The following NFIB variants were observed in gnomAD, a reference collection of about 807,000 sequenced individuals.
The protein encoded by NFIB is nuclear factor I B, also known as nuclear factor 1 B-type.
NFIB carries 11 observed loss-of-function variants against 61.5 expected under a neutral mutation model. The ratio of observed to expected loss-of-function variants is 0.18; its 90% CI spans 0.11 to 0.30. The LOEUF (loss-of-function observed/expected upper bound fraction) is 0.30, where lower values mean the gene tolerates loss of function less well. NFIB is among the 10% of genes least tolerant of loss of function. NFIB has a pLI of 1.00. For synonymous variants in NFIB, 260 were observed against 216.5 expected, an observed-to-expected ratio of 1.20 and a Z score of -1.76; for missense variants, 471 against 608.9, an observed-to-expected ratio of 0.77 and a Z score of 2.38.
At chr9:14,285,022 T>A (rs768322647) in intron 2 of NFIB, among the ~76,000 whole-genome samples, 17 of 152,238 alleles carry the variant, frequency 1.1e-4, no homozygotes, top group Non-Finnish European at 2.1e-4. Flanking sequence ...AAAGACTGCT[T>A]AGTTTAAAAG....
intron 1 of NFIB, among the ~76,000 whole-genome samples, chr9:14,382,347 A>C (rs1417201707): frequency 6.7e-6 from 1 of 149,806 alleles, no homozygotes; most frequent in Non-Finnish European, 1.5e-5. Context: ...GAAAGTGATG[A>C]GAGAGAGAGA....
chr9:14,477,559 T>A, the NFIB span, among the ~76,000 whole-genome samples: 1 of 152,190 alleles, frequency 6.6e-6, no homozygotes, highest in Non-Finnish European at 1.5e-5. Flanking sequence ...ATGTGCTGGT[T>A]GGTTGCCATG....
the NFIB span, among the ~76,000 whole-genome samples, chr9:14,485,545 C>T: frequency 7.2e-5 from 11 of 152,192 alleles, no homozygotes; most frequent in Admixed American, 7.2e-4. Flanking sequence ...AAATTCCAGA[C>T]ACTGCTAGGA....
At chr9:14,100,968 A>C (rs547449234) in intron 10 of NFIB, among the ~76,000 whole-genome samples, 1 of 151,934 alleles carries the variant, frequency 6.6e-6, no homozygotes, top group Non-Finnish European at 1.5e-5. Context: ...GAAATATAAG[A>C]GAGTTATTCA....
the NFIB span, among the ~76,000 whole-genome samples, chr9:14,434,933 T>G: frequency 6.6e-6 from 1 of 152,214 alleles, no homozygotes; most frequent in African/African-American, 2.4e-5. Context: ...AAGAACCTCA[T>G]GCATGTATTG....
intron 6 of NFIB, among the ~76,000 whole-genome samples, chr9:14,128,146 G>A (rs151285476): frequency 1.3e-3 from 204 of 152,240 alleles, no homozygotes; most frequent in African/African-American, 4.7e-3. Context: ...ACTAATGGAT[G>A]TAAAATCATA....
At chr9:14,145,354 GGAGATTTAGAT>G (rs2042171165) in intron 6 of NFIB, among the ~76,000 whole-genome samples, 1 of 152,062 alleles carries the variant, frequency 6.6e-6, no homozygotes, top group South Asian at 2.1e-4. Flanking sequence ...AAAATCTCAA[GGAGATTTAGAT>G]GAGATTTAGG....
chr9:14,220,808 G>A lies in NFIB; in HGVS notation c.563-41028C>T, dbSNP rs546718118. ...TGCAGATGAGGTTCCACCACCCGAA[G>A]TTTCTGCTCTATATCCAGTGAAATC... On this transcript the variant is annotated intron_variant, in intron 2 of 10. Transcript: ENST00000380953. Among the ~76,000 whole-genome samples, 381 of 145,538 alleles carry A rather than the reference G, an allele frequency of 2.6e-3. 1 individual carries two copies. The highest frequency in any genetic ancestry group is 4.5e-3 in the Non-Finnish European group (303 of 66,752).
the NFIB span, among the ~76,000 whole-genome samples, chr9:14,440,761 G>A: frequency 1.3e-5 from 2 of 152,178 alleles, no homozygotes; most frequent in Admixed American, 6.5e-5. Context: ...ACTACATTAC[G>A]TGTTCATGTT....
At chr9:14,415,936 G>A in the NFIB span, among the ~76,000 whole-genome samples, 1 of 152,140 alleles carries the variant, frequency 6.6e-6, no homozygotes, top group East Asian at 1.9e-4. Context: ...GGGTTAATAG[G>A]GGAGATAACT....
chr9:14,327,301 C>T (rs1411233077), intron 1 of NFIB, among the ~76,000 whole-genome samples: 1 of 152,158 alleles, frequency 6.6e-6, no homozygotes, highest in African/African-American at 2.4e-5. Context: ...AATCCTGTGG[C>T]CAAATGTCCC....
At chr9:14,389,191 T>A (rs2061590806) in intron 1 of NFIB, among the ~76,000 whole-genome samples, 1 of 152,192 alleles carries the variant, frequency 6.6e-6, no homozygotes, top group Admixed American at 6.5e-5. Context: ...TAGGCCCTGT[T>A]AATATTCACT....
At chr9:14,183,522 G>C (rs909345439) in intron 2 of NFIB, among the ~76,000 whole-genome samples, 3 of 151,756 alleles carry the variant, frequency 2.0e-5, no homozygotes, top group African/African-American at 7.3e-5. Context: ...TTGTGCTTCA[G>C]CCTCCCGAGT....
At chr9:14,196,358 C>G (rs1348707193) in intron 2 of NFIB, among the ~76,000 whole-genome samples, 1 of 152,018 alleles carries the variant, frequency 6.6e-6, no homozygotes, top group Non-Finnish European at 1.5e-5. Flanking sequence ...TTATGTTTTG[C>G]CTAATTTTTC....
chr9:14,462,250 G>A, the NFIB span, among the ~76,000 whole-genome samples: 1 of 151,830 alleles, frequency 6.6e-6, no homozygotes, highest in Non-Finnish European at 1.5e-5. Flanking sequence ...CTGAATCACG[G>A]TATGGTATTC....
the NFIB span, among the ~76,000 whole-genome samples, chr9:14,518,998 T>A: frequency 6.6e-6 from 1 of 152,280 alleles, no homozygotes; most frequent in East Asian, 1.9e-4. Context: ...CCTGGTACAC[T>A]GTGGGTGAAA....
chr9:14,518,225 G>A, the NFIB span, among the ~76,000 whole-genome samples: 21 of 152,168 alleles, frequency 1.4e-4, no homozygotes, highest in East Asian at 3.9e-4. Flanking sequence ...AGAGGCTAGC[G>A]ACTTCTCAAT....
the NFIB span, among the ~76,000 whole-genome samples, chr9:14,439,083 G>A: frequency 6.6e-6 from 1 of 152,280 alleles, no homozygotes; most frequent in South Asian, 2.1e-4. Context: ...TTGTTAAGAA[G>A]TTTCAGGCTC....
At chr9:14,490,871 GAT>G in the NFIB span, among the ~76,000 whole-genome samples, 1 of 152,152 alleles carries the variant, frequency 6.6e-6, no homozygotes, top group African/African-American at 2.4e-5. Flanking sequence ...CAATACTCTA[GAT>G]ATATATTTTG....
Sources: allele counts gnomAD v4.1 joint callset (sites outside exome capture counted in the v4.1 genomes callset), GRCh38; gene constraint gnomAD v4.1.1; transcripts MANE v1.5; gene names NCBI Gene and HGNC (gene_info 2026-07-23, HGNC 2026-07-21).